The following HSPA4 variants were observed in gnomAD, a reference collection of about 807,000 sequenced individuals.
The protein encoded by HSPA4 is heat shock protein family A (Hsp70) member 4.
A neutral mutation model predicts 106.2 loss-of-function variants in HSPA4; 25 were observed. That is an observed-to-expected ratio of 0.24 (90% confidence interval 0.17 to 0.33). The LOEUF (loss-of-function observed/expected upper bound fraction) is 0.33. HSPA4 is among the 10% of genes least tolerant of loss of function. The pLI, the probability that HSPA4 is intolerant of heterozygous loss-of-function variation, is 1.00. For synonymous variants in HSPA4, 332 were observed against 333.6 expected, an observed-to-expected ratio of 1.00 and a Z score of 0.05; for missense variants, 841 against 996.0, an observed-to-expected ratio of 0.84 and a Z score of 2.10.
At chr5:133,093,243 T>G (rs531957792) in intron 13 of HSPA4, among the ~76,000 whole-genome samples, 6 of 152,250 alleles carry the variant, frequency 3.9e-5, no homozygotes, top group African/African-American at 1.4e-4. Context: ...TTGAACAATT[T>G]TTTTAGGAAG....
Position 133,088,539 on chromosome 5 carries a change from G to T in HSPA4, c.1121G>T (p.Arg374Leu). 6.2e-7 allele frequency: 1 copy of T among 1,613,766 alleles called. No homozygotes were observed. Among genetic ancestry groups the T allele is most frequent in the African/African-American group, 1.3e-5 (1 of 75,042 alleles). ...TTLNADEAVT[R>L]GCALQCAILS... ...TTAAATGCTGATGAAGCTGTCACTC[G>T]AGGCTGTGCATTGCAGGTGAATATT... The change falls in exon 9 of 19, where the codon CGA becomes CTA. Residue 374 changes from arginine to leucine, a missense_variant. Arg to Leu is a moderately radical substitution (Grantham distance 102). Transcript: ENST00000304858.
chr5:133,078,917 A>G (rs1295340268), intron 7 of HSPA4, among the ~76,000 whole-genome samples: 2 of 152,044 alleles, frequency 1.3e-5, no homozygotes, highest in East Asian at 3.9e-4. Context: ...TATTTTTTGT[A>G]GAGACTGGGT....
intron 7 of HSPA4, 136 bp from the exon 8 acceptor site, chr5:133,086,646 A>G: frequency 1.6e-6 from 1 of 626,042 alleles, no homozygotes; most frequent in Non-Finnish European, 2.8e-6. Flanking sequence ...TTACCTGGGA[A>G]TGTATGAAGG....
intron 15 of HSPA4, among the ~76,000 whole-genome samples, chr5:133,097,684 G>A (rs1348405167): frequency 4.0e-5 from 6 of 151,388 alleles, no homozygotes; most frequent in African/African-American, 1.5e-4. Flanking sequence ...GAATAGCTGG[G>A]ATTACAGGCA....
At chr5:133,077,930 A>G (rs1276236476) in intron 7 of HSPA4, among the ~76,000 whole-genome samples, 1 of 152,180 alleles carries the variant, frequency 6.6e-6, no homozygotes. Context: ...GTAAGCCAGT[A>G]TGTTTAAGAA....
chr5:133,077,663 G>GT (rs1561580552), intron 7 of HSPA4, among the ~76,000 whole-genome samples: 3 of 152,162 alleles, frequency 2.0e-5, no homozygotes, highest in Admixed American at 6.5e-5. Context: ...GAGTGTTATT[G>GT]TTGCCTGGTT....
chr5:133,054,602 A>G (rs1285301851), intron 1 of HSPA4, among the ~76,000 whole-genome samples: 1 of 152,184 alleles, frequency 6.6e-6, no homozygotes, highest in Non-Finnish European at 1.5e-5. Context: ...TACTGTAATC[A>G]ATTTTAGAAC....
At chr5:133,073,901 C>T (rs1392370622) in intron 5 of HSPA4, 92 bp from the exon 6 acceptor site, 2 of 729,962 alleles carry the variant, frequency 2.7e-6, no homozygotes, top group Admixed American at 3.6e-5. Context: ...CATGTAGTTG[C>T]ATTCGTTATA....
chr5:133,094,643 A>C (rs565832683), intron 13 of HSPA4, among the ~76,000 whole-genome samples: 1 of 152,166 alleles, frequency 6.6e-6, no homozygotes, highest in African/African-American at 2.4e-5. Flanking sequence ...TGCTTCCCCA[A>C]TGCCTTTGAG....
At chr5:133,074,239 AG>A in intron 6 of HSPA4, 113 bp downstream of exon 6, 3 of 554,348 alleles carry the variant, frequency 5.4e-6, no homozygotes, top group South Asian at 7.6e-5. Flanking sequence ...CATACCTTAC[AG>A]GGTTATTCAG....
intron 17 of HSPA4, among the ~76,000 whole-genome samples, chr5:133,103,097 T>C (rs1224761649): frequency 6.6e-6 from 1 of 151,950 alleles, no homozygotes; most frequent in Non-Finnish European, 1.5e-5. Flanking sequence ...GGTCTCAGTC[T>C]GTTGCCCATG....
At chr5:133,061,358 G>A (rs574115775) in intron 1 of HSPA4, among the ~76,000 whole-genome samples, 13 of 151,968 alleles carry the variant, frequency 8.6e-5, no homozygotes, top group African/African-American at 2.9e-4. Context: ...TCTTGATCTC[G>A]TGATCCACCC....
At chr5:133,066,808 A>G (rs111354341) in intron 2 of HSPA4, among the ~76,000 whole-genome samples, 3,347 of 144,446 alleles carry the variant, frequency 0.023, 123 homozygotes, top group African/African-American at 0.078. Flanking sequence ...TCCACCTCCC[A>G]GGTTCAAATG....
chr5:133,087,456 A>G (rs997721020), intron 8 of HSPA4, among the ~76,000 whole-genome samples: 1 of 152,204 alleles, frequency 6.6e-6, no homozygotes, highest in African/African-American at 2.4e-5. Context: ...CACACTGGGA[A>G]AGCCCATTTC....
intron 2 of HSPA4, among the ~76,000 whole-genome samples, chr5:133,065,820 A>G (rs1360620056): frequency 6.6e-6 from 1 of 152,218 alleles, no homozygotes; most frequent in African/African-American, 2.4e-5. Context: ...CCAGAGCAGC[A>G]GAACCCCAAG....
At position 133,104,467 on chromosome 5, in the gene HSPA4, A is replaced by T. The variant is rs1561588598; in HGVS notation, c.*31A>T. On this transcript the variant is annotated 3_prime_UTR_variant, in exon 19 of 19. Coordinates refer to ENST00000304858, the MANE Select transcript of HSPA4 (RefSeq NM_002154.4). ...ACACTTGTTTCTATTAAAACAGACT[A>T]TTATAAAGCTTTAAGTTGTCAACTT... 1 of 1,576,464 alleles carries T rather than the reference A, an allele frequency of 6.3e-7. No homozygotes were observed. Among genetic ancestry groups the T allele is most frequent in the Admixed American group, 1.7e-5 (1 of 58,852 alleles).
chr5:133,062,024 A>G (rs1322557445), intron 1 of HSPA4, among the ~76,000 whole-genome samples: 1 of 152,206 alleles, frequency 6.6e-6, no homozygotes, highest in Non-Finnish European at 1.5e-5. Flanking sequence ...TGAAGGTACT[A>G]AGCATTTCAG....
chr5:133,085,116 G>A (rs1450702237), intron 7 of HSPA4, among the ~76,000 whole-genome samples: 1 of 151,688 alleles, frequency 6.6e-6, no homozygotes, highest in Non-Finnish European at 1.5e-5. Flanking sequence ...CCCTTTTAAC[G>A]TGTATAATTC....
intron 13 of HSPA4, among the ~76,000 whole-genome samples, chr5:133,093,133 GT>G (rs1261558701): frequency 2.6e-5 from 4 of 151,852 alleles, no homozygotes; most frequent in Non-Finnish European, 5.9e-5. Flanking sequence ...ACCCGGCTGA[GT>G]TGTGTTTTAG....
Sources: allele counts gnomAD v4.1 joint callset (sites outside exome capture counted in the v4.1 genomes callset), GRCh38; gene constraint gnomAD v4.1.1; transcripts MANE v1.5; gene names NCBI Gene and HGNC (gene_info 2026-07-23, HGNC 2026-07-21).